KPNA6: variants seen among roughly 807,000 people sequenced by gnomAD.
The protein encoded by KPNA6 is karyopherin subunit alpha 6, also known as importin subunit alpha-7.
KPNA6 carries 9 observed loss-of-function variants against 72.0 expected under a neutral mutation model. The ratio of observed to expected loss-of-function variants is 0.13; its 90% CI spans 0.08 to 0.22. The LOEUF (loss-of-function observed/expected upper bound fraction) is 0.22. Among genes scored for constraint, KPNA6 ranks in the 10% least tolerant of loss-of-function variants. The pLI is 1.00. For synonymous variants in KPNA6, 219 were observed against 242.1 expected, an observed-to-expected ratio of 0.90 and a Z score of 0.89; for missense variants, 374 against 655.7, an observed-to-expected ratio of 0.57 and a Z score of 4.69.
At position 32,135,633 on chromosome 1, in the gene KPNA6, A is replaced by ATTT. The variant is rs746020031; in HGVS notation, c.5-18940_5-18938dup. ...CAGGTGTGAGCCACCATGCTTGGCC[A>ATTT]TTTTTTTTTTTTTTTTTAGAGGCAG... On this transcript the variant is annotated intron_variant, in intron 1 of 13. Transcript: ENST00000373625. Among the ~76,000 whole-genome samples, 631 of 121,342 alleles carry ATTT rather than the reference A, an allele frequency of 5.2e-3. 5 individuals are homozygous for ATTT. Among genetic ancestry groups the ATTT allele is most frequent in the Non-Finnish European group, 8.3e-3 (467 of 56,560 alleles). The allele number at this position is 121,342 out of a possible 152,430, so 79.6% of individuals were successfully genotyped here. A position where few individuals can be genotyped will look rare whatever the true frequency, so the allele number is the denominator to read the frequency against.
At chr1:32,123,798 G>A (rs1362795470) in intron 1 of KPNA6, among the ~76,000 whole-genome samples, 2 of 150,184 alleles carry the variant, frequency 1.3e-5, no homozygotes, top group Admixed American at 1.3e-4. Flanking sequence ...CACTCTGGGA[G>A]GCCAAGGCAG....
intron 4 of KPNA6, among the ~76,000 whole-genome samples, chr1:32,157,721 C>T (rs1052032575): frequency 1.3e-5 from 2 of 152,150 alleles, no homozygotes; most frequent in African/African-American, 2.4e-5. Context: ...TACATATTCT[C>T]CTCCTCTCCC....
At position 32,150,025 on chromosome 1, in the gene KPNA6, A is replaced by T. The variant is rs117863293; in HGVS notation, c.5-4563A>T. Among the ~76,000 whole-genome samples the T allele has an allele frequency of 1.3e-3, 199 of 149,176 alleles. 7 individuals are homozygous for T. In the East Asian group the frequency reaches 0.032, roughly 24 times the overall value. Reference sequence around the variant, plus strand: ...ATTTTATCTATCGCTGCTTTTCAAGATTTTGGTTGTGATGTGTCTTGTGAT... The same window carrying T: ...ATTTTATCTATCGCTGCTTTTCAAGTTTTTGGTTGTGATGTGTCTTGTGAT... On this transcript the variant is annotated intron_variant, in intron 1 of 13. Coordinates refer to ENST00000373625, the MANE Select transcript of KPNA6 (RefSeq NM_012316.5).
At chr1:32,120,247 ATTT>A (rs1430437938) in intron 1 of KPNA6, among the ~76,000 whole-genome samples, 1 of 141,740 alleles carries the variant, frequency 7.1e-6, no homozygotes, top group Non-Finnish European at 1.6e-5. Context: ...TTAAATGTTA[ATTT>A]TTTTTTTTTT....
At chr1:32,108,181 C>T (rs752268082) in intron 1 of KPNA6, 47 bp downstream of exon 1, 14 of 1,612,752 alleles carry the variant, frequency 8.7e-6, no homozygotes, top group South Asian at 4.4e-5. Flanking sequence ...CAGGGAGTGT[C>T]GGGGCCTGGG....
chr1:32,136,858 C>T (rs1238272584), intron 1 of KPNA6, among the ~76,000 whole-genome samples: 3 of 152,172 alleles, frequency 2.0e-5, no homozygotes, highest in African/African-American at 4.8e-5. Context: ...TTACTGCCAG[C>T]GTTTCTGGTT....
At chr1:32,129,352 G>A (rs546918657) in intron 1 of KPNA6, among the ~76,000 whole-genome samples, 2 of 151,742 alleles carry the variant, frequency 1.3e-5, no homozygotes, top group South Asian at 2.1e-4. Flanking sequence ...TTTTAGTAGG[G>A]GTGGGGTTTC....
chr1:32,149,931 G>T (rs1043798170), intron 1 of KPNA6, among the ~76,000 whole-genome samples: 1 of 151,718 alleles, frequency 6.6e-6, no homozygotes, highest in Non-Finnish European at 1.5e-5. Context: ...TCTGACTTAC[G>T]GTTTCTGACA....
chr1:32,159,250 T>C, intron 5 of KPNA6, 150 bp from the exon 6 acceptor site: 5 of 730,784 alleles, frequency 6.8e-6, no homozygotes, highest in Non-Finnish European at 1.1e-5. Context: ...GTGTTTTAAA[T>C]TCGTGGGCAA....
At chr1:32,119,030 ATATT>A (rs1216870759) in intron 1 of KPNA6, among the ~76,000 whole-genome samples, 43 of 56,494 alleles carry the variant, frequency 7.6e-4, no homozygotes, top group African/African-American at 3.0e-3. Context: ...ATATATATAT[ATATT>A]TTTTTTTTTT....
chr1:32,158,172 GT>G, intron 4 of KPNA6, 94 bp from the exon 5 acceptor site: 1 of 743,332 alleles, frequency 1.3e-6, no homozygotes, highest in Non-Finnish European at 2.3e-6. Context: ...TGTAAGGGTG[GT>G]CAGAAGTGTC....
chr1:32,167,314 C>A lies in KPNA6; in HGVS notation c.1244+18C>A. 1 of 1,613,642 alleles carries A rather than the reference C, an allele frequency of 6.2e-7. No homozygotes were observed. The highest frequency in any genetic ancestry group is 1.3e-5 in the African/African-American group (1 of 74,998). On this transcript the variant is annotated intron_variant, in intron 12 of 13. Transcript: ENST00000373625. Reference sequence around the variant, plus strand: ...CAGATCAGGTATTACATTCCTTTCCCGTTGTCTTGAATGATAATGGATGCT... The same window carrying A: ...CAGATCAGGTATTACATTCCTTTCCAGTTGTCTTGAATGATAATGGATGCT...
At position 32,157,008 on chromosome 1, in the gene KPNA6, G is replaced by A. The variant is rs1642157138; in HGVS notation, c.231+63G>A. 3.1e-5 allele frequency: 39 copies of A among 1,238,388 alleles called. No individual in the cohort carries two copies. The South Asian group carries it at 4.9e-4, about 16-fold the overall frequency. 76.7% of individuals were successfully genotyped at this position (1,238,388 alleles called of 1,614,324 possible). The stretch of plus-strand genomic sequence containing the variant: ...ACACCTGCTTCTAAGGACAGAAATT[G>A]GGCCGTTCACATCATCTACCAGCTT... On this transcript the variant is annotated intron_variant, in intron 3 of 13. Coordinates refer to ENST00000373625, the MANE Select transcript of KPNA6 (RefSeq NM_012316.5).
intron 1 of KPNA6, among the ~76,000 whole-genome samples, chr1:32,117,470 C>T (rs1169305881): frequency 2.0e-5 from 3 of 150,526 alleles, no homozygotes; most frequent in Non-Finnish European, 1.5e-5. Context: ...CTGCGCCCGG[C>T]CCAATTTGTT....
intron 1 of KPNA6, among the ~76,000 whole-genome samples, chr1:32,150,408 C>T (rs1642008666): frequency 6.6e-6 from 1 of 152,040 alleles, no homozygotes. Context: ...GTTGGGATTA[C>T]AGGCTTGAGC....
At chr1:32,119,024 A>ATT (rs1557457192) in intron 1 of KPNA6, among the ~76,000 whole-genome samples, 19 of 74,308 alleles carry the variant, frequency 2.6e-4, no homozygotes, top group Admixed American at 1.5e-3. Context: ...ATATATATAT[A>ATT]TATATATATT....
intron 1 of KPNA6, among the ~76,000 whole-genome samples, chr1:32,125,715 G>A (rs1433741596): frequency 1.3e-5 from 2 of 152,136 alleles, no homozygotes; most frequent in African/African-American, 4.8e-5. Context: ...CCCGTTGAGA[G>A]TGTATGCCTT....
Position 32,172,835 on chromosome 1 carries a change from G to T in KPNA6, c.*1941G>T. On this transcript the variant is annotated 3_prime_UTR_variant, in exon 14 of 14. Transcript: ENST00000373625. ...CTTCCTCTGAAACAATGCCATTCTT[G>T]CTTCTATTGCTACACATCTCCTTCT... The T allele has an allele frequency of 9.2e-6, 3 of 325,160 alleles. No individual in the cohort carries two copies. Among genetic ancestry groups the T allele is most frequent in the East Asian group, 4.6e-5 (1 of 21,746 alleles). The allele number at this position is 325,160 out of a possible 1,614,324, so 20.1% of individuals were successfully genotyped here.
At chr1:32,119,415 A>G (rs181842820) in intron 1 of KPNA6, among the ~76,000 whole-genome samples, 1 of 152,162 alleles carries the variant, frequency 6.6e-6, no homozygotes, top group East Asian at 1.9e-4. Flanking sequence ...ACTTGTCAGA[A>G]ACTCATACTT....
Sources: allele counts gnomAD v4.1 joint callset (sites outside exome capture counted in the v4.1 genomes callset), GRCh38; gene constraint gnomAD v4.1.1; transcripts MANE v1.5; gene names NCBI Gene and HGNC (gene_info 2026-07-23, HGNC 2026-07-21).